The following BABAM2 variants were observed in gnomAD, a reference collection of about 807,000 sequenced individuals.
BABAM2 encodes BRISC and BRCA1-A complex member 2.
A neutral mutation model predicts 54.7 loss-of-function variants in BABAM2; 31 were observed. The observed-to-expected ratio is 0.57, with a 90% CI of 0.43 to 0.77. The LOEUF is 0.77. BABAM2 is among the 30% of genes least tolerant of loss of function. The pLI is 0.00. For synonymous variants in BABAM2, 167 were observed against 162.9 expected (o/e 1.03, Z -0.19); for missense variants, 364 against 455.8 (o/e 0.80, Z 1.83).
chr2:27,889,170 T>C (rs775211083), upstream of BABAM2, among the ~76,000 whole-genome samples: 3 of 152,206 alleles, frequency 2.0e-5, no homozygotes, highest in Non-Finnish European at 4.4e-5. Flanking sequence ...ACACAGCTTA[T>C]AAATATTTTA....
chr2:28,284,998 G>T lies in BABAM2; in HGVS notation c.935-13340G>T, dbSNP rs1470500640. On this transcript the variant is annotated intron_variant, in intron 10 of 11. Transcript: ENST00000379624. The stretch of plus-strand genomic sequence containing the variant: ...TTAAAGATGAGAAAACCTAGACTTA[G>T]AGAGTATAGTCAGTTGCCTGAGGTC... Among the ~76,000 whole-genome samples, 6 of 152,304 alleles carry T rather than the reference G, an allele frequency of 3.9e-5. No homozygotes were observed. In the South Asian group the frequency reaches 1.2e-3, roughly 32 times the overall value.
At chr2:28,172,254 C>CT (rs1674410551) in intron 7 of BABAM2, among the ~76,000 whole-genome samples, 2 of 152,104 alleles carry the variant, frequency 1.3e-5, no homozygotes. Flanking sequence ...TAGTTTTGTC[C>CT]TCCCTATCTT....
intron 7 of BABAM2, among the ~76,000 whole-genome samples, chr2:28,165,542 T>TC (rs1463232512): frequency 7.2e-6 from 1 of 139,214 alleles, no homozygotes; most frequent in Non-Finnish European, 1.6e-5. Context: ...TTTTTTTTTT[T>TC]TTTTTTTTTT....
At chr2:28,059,789 A>G (rs1184005021) in intron 6 of BABAM2, among the ~76,000 whole-genome samples, 2 of 152,222 alleles carry the variant, frequency 1.3e-5, no homozygotes, top group South Asian at 4.1e-4. Flanking sequence ...CTTGCATTTT[A>G]GAAATTTTCT....
chr2:28,140,861 G>A (rs897743043), intron 7 of BABAM2, among the ~76,000 whole-genome samples: 19 of 152,070 alleles, frequency 1.2e-4, no homozygotes, highest in African/African-American at 4.6e-4. Flanking sequence ...CCATAGACTG[G>A]ATGGCTTAAA....
At chr2:27,954,593 A>C (rs765504451) in intron 3 of BABAM2, among the ~76,000 whole-genome samples, 1 of 152,232 alleles carries the variant, frequency 6.6e-6, no homozygotes, top group Non-Finnish European at 1.5e-5. Context: ...ACTTGGCAGC[A>C]GTGAGTACAG....
At chr2:28,115,145 A>G (rs896495722) in intron 6 of BABAM2, among the ~76,000 whole-genome samples, 3 of 151,170 alleles carry the variant, frequency 2.0e-5, no homozygotes, top group African/African-American at 7.3e-5. Flanking sequence ...AAGGAACCCA[A>G]TCAGATAAAT....
chr2:28,307,685 A>T (rs1006611244), intron 11 of BABAM2: 3 of 152,200 alleles, frequency 2.0e-5, no homozygotes, highest in African/African-American at 7.2e-5. Flanking sequence ...TGAATTCCAC[A>T]ATACATTGTT....
At chr2:28,109,690 C>G (rs761184605) in intron 6 of BABAM2, among the ~76,000 whole-genome samples, 2 of 152,170 alleles carry the variant, frequency 1.3e-5, no homozygotes, top group African/African-American at 2.4e-5. Context: ...CATGCCAGCT[C>G]TCTCCACCTG....
chr2:28,216,730 A>G (rs972159852), intron 7 of BABAM2, among the ~76,000 whole-genome samples: 1 of 152,214 alleles, frequency 6.6e-6, no homozygotes, highest in Non-Finnish European at 1.5e-5. Context: ...AATATTCACC[A>G]TAAGAAGAAA....
chr2:27,927,413 A>G (rs1237160456), intron 2 of BABAM2, among the ~76,000 whole-genome samples: 1 of 152,214 alleles, frequency 6.6e-6, no homozygotes, highest in Non-Finnish European at 1.5e-5. Context: ...TGTTTTTCAT[A>G]AATTTAAAGC....
At chr2:28,028,054 G>A (rs1459279483) in intron 5 of BABAM2, among the ~76,000 whole-genome samples, 1 of 152,164 alleles carries the variant, frequency 6.6e-6, no homozygotes, top group East Asian at 1.9e-4. Context: ...GGCTGTGCTT[G>A]AAGTGTTGGC....
At chr2:28,246,607 T>G (rs1281740391) in intron 10 of BABAM2, among the ~76,000 whole-genome samples, 2 of 152,210 alleles carry the variant, frequency 1.3e-5, no homozygotes, top group East Asian at 3.9e-4. Flanking sequence ...GATGAATGCT[T>G]CAACCAGTTC....
intron 2 of BABAM2, among the ~76,000 whole-genome samples, chr2:27,902,786 G>A (rs758098432): frequency 4.6e-5 from 7 of 152,012 alleles, no homozygotes; most frequent in African/African-American, 1.5e-4. Context: ...AAAGTCTGTG[G>A]CATATATTCT....
At chr2:28,317,791 G>A (rs1423826670) in intron 11 of BABAM2, among the ~76,000 whole-genome samples, 4 of 152,200 alleles carry the variant, frequency 2.6e-5, no homozygotes, top group Admixed American at 2.0e-4. Flanking sequence ...ACAAGTGCCA[G>A]TGGCTTTCCA....
intron 2 of BABAM2, among the ~76,000 whole-genome samples, chr2:27,908,218 A>G (rs1419616532): frequency 6.6e-6 from 1 of 152,136 alleles, no homozygotes; most frequent in Admixed American, 6.5e-5. Context: ...AACCTGTCAC[A>G]TGGGTAGTGA....
chr2:28,067,059 A>G (rs1285533000), intron 6 of BABAM2, among the ~76,000 whole-genome samples: 1 of 152,062 alleles, frequency 6.6e-6, no homozygotes, highest in Non-Finnish European at 1.5e-5. Flanking sequence ...AGCCTCCTGA[A>G]TAGCTGGGAT....
At chr2:27,908,822 C>T (rs1448668913) in intron 2 of BABAM2, among the ~76,000 whole-genome samples, 1 of 152,144 alleles carries the variant, frequency 6.6e-6, no homozygotes, top group East Asian at 1.9e-4. Context: ...ATACTGTTGT[C>T]CACAGAGGCT....
intron 6 of BABAM2, among the ~76,000 whole-genome samples, chr2:28,083,264 G>A (rs150205785): frequency 6.6e-6 from 1 of 152,226 alleles, no homozygotes; most frequent in East Asian, 1.9e-4. Context: ...TTCACTCTTA[G>A]ACTCTGCTGA....
Sources: gnomAD v4.1 joint callset for allele counts (sites outside exome capture counted in the v4.1 genomes callset) on GRCh38, gnomAD v4.1.1 for gene constraint, MANE v1.5 for transcripts, NCBI Gene and HGNC (gene_info 2026-07-23, HGNC 2026-07-21) for gene names.